ARHGAP32: variants seen among roughly 807,000 people sequenced by gnomAD.
ARHGAP32 encodes rho GTPase-activating protein 32.
In ARHGAP32, 51 loss-of-function variants were observed where a neutral mutation model predicts 186.5. The ratio of observed to expected loss-of-function variants is 0.27; its 90% CI spans 0.22 to 0.35. The LOEUF (loss-of-function observed/expected upper bound fraction) is 0.35, where lower values mean the gene tolerates loss of function less well. ARHGAP32 is among the 10% of genes least tolerant of loss of function. ARHGAP32 has a pLI of 1.00. For missense variants in ARHGAP32, 2,186 were observed against 2,623.5 expected (o/e 0.83, Z 3.64); for synonymous variants, 950 against 964.3 (o/e 0.99, Z 0.27).
intron 11 of ARHGAP32, among the ~76,000 whole-genome samples, chr11:129,039,869 AG>A (rs1204124308): frequency 4.6e-5 from 7 of 152,336 alleles, no homozygotes; most frequent in African/African-American, 1.7e-4. Context: ...TGCTTCAAAA[AG>A]AACTGAGAAT....
Position 129,203,909 on chromosome 11 carries a change from A to T in ARHGAP32, c.-4-39482T>A, listed in dbSNP as rs1387449790. On this transcript the variant is annotated intron_variant, in intron 1 of 6. Coordinates refer to the ARHGAP32 transcript ENST00000525234. ...TGAGACCCCCATCTAAAAAAATTGC[A>T]TATATATATAATTGCATACATAATT... Among the ~76,000 whole-genome samples, 5 of 148,176 alleles carry T rather than the reference A, an allele frequency of 3.4e-5. No homozygotes were observed. In the Admixed American group the frequency reaches 3.4e-4, roughly 10 times the overall value.
chr11:129,273,866 T>C (rs1945500990), intron 1 of ARHGAP32, among the ~76,000 whole-genome samples: 2 of 152,298 alleles, frequency 1.3e-5, no homozygotes, highest in Middle Eastern at 3.4e-3. Flanking sequence ...GCTTATCTTT[T>C]CAAACAGAGA....
At chr11:129,256,419 A>C (rs1188094198) in intron 1 of ARHGAP32, among the ~76,000 whole-genome samples, 3 of 152,160 alleles carry the variant, frequency 2.0e-5, no homozygotes, top group African/African-American at 7.2e-5. Context: ...CTATAACTAC[A>C]TGGACATTCT....
At chr11:129,058,159 T>A (rs1393715693) in intron 10 of ARHGAP32, among the ~76,000 whole-genome samples, 1 of 151,212 alleles carries the variant, frequency 6.6e-6, no homozygotes, top group Non-Finnish European at 1.5e-5. Context: ...GTGGGTCATC[T>A]GTTATGCCCA....
chr11:129,230,826 T>C (rs1260766376), intron 1 of ARHGAP32, among the ~76,000 whole-genome samples: 1 of 152,098 alleles, frequency 6.6e-6, no homozygotes, highest in East Asian at 1.9e-4. Flanking sequence ...TTTAATATAT[T>C]ATCCAATACC....
chr11:129,006,876 G>A (rs949052104), intron 11 of ARHGAP32, among the ~76,000 whole-genome samples: 2 of 152,216 alleles, frequency 1.3e-5, no homozygotes. Flanking sequence ...AGGGACTGCA[G>A]TCAAAAGCTT....
upstream of ARHGAP32, among the ~76,000 whole-genome samples, chr11:129,193,569 A>T (rs7945205): frequency 5.4e-4 from 7 of 12,964 alleles, no homozygotes; most frequent in Middle Eastern, 0.042. Context: ...TATTATATAT[A>T]ATATATATAT....
At chr11:129,041,047 A>G (rs765356822) in intron 10 of ARHGAP32, 38 bp from the exon 11 acceptor site, 1 of 1,415,126 alleles carries the variant, frequency 7.1e-7, no homozygotes, top group South Asian at 1.2e-5. Flanking sequence ...CTAAACCAGC[A>G]AACAGACCAA....
At chr11:129,004,807 T>G (rs1937675450) in intron 11 of ARHGAP32, among the ~76,000 whole-genome samples, 1 of 152,156 alleles carries the variant, frequency 6.6e-6, no homozygotes, top group Non-Finnish European at 1.5e-5. Flanking sequence ...CTGGGTCTTG[T>G]TTTTTCATCC....
intron 2 of ARHGAP32, among the ~76,000 whole-genome samples, chr11:129,156,696 A>G (rs560884041): frequency 1.3e-5 from 2 of 152,308 alleles, no homozygotes. Context: ...GAAGAGAGCA[A>G]TGGATCTCCC....
chr11:128,969,911 A>C lies in ARHGAP32; in HGVS notation c.5302T>G (p.Ser1768Ala). Residue 1768 changes from serine to alanine, a missense_variant, in exon 23 of 23, where the codon TCC becomes GCC. Around this residue, in one of 5 missense-constraint regions of ARHGAP32, gnomAD observed 1,502 missense variants for 1,570.0 expected, o/e 0.96. Coordinates refer to ENST00000682385, the MANE Select transcript of ARHGAP32 (RefSeq NM_001378024.1). The surrounding 1 kb of genome is among the most constrained non-coding windows in gnomAD (Gnocchi z 4.8). The part of the protein sequence containing the change: ...LEDMEKYRMQ[S>A]IRRESRARQK... ...CGAGCACGGCTCTCTCTCCGGATGG[A>C]CTGCATGCGGTATTTTTCCATGTCC... is the stretch of plus-strand genomic sequence containing the variant. 6.2e-7 allele frequency: 1 copy of C among 1,614,036 alleles called. No individual in the cohort carries two copies. Among genetic ancestry groups the C allele is most frequent in the Non-Finnish European group, 8.5e-7 (1 of 1,179,988 alleles).
intron 1 of ARHGAP32, among the ~76,000 whole-genome samples, chr11:129,167,016 G>A (rs1250416855): frequency 6.6e-6 from 1 of 152,052 alleles, no homozygotes; most frequent in Non-Finnish European, 1.5e-5. Context: ...AGTCTCTATA[G>A]TGAACACTAG....
intron 11 of ARHGAP32, among the ~76,000 whole-genome samples, chr11:129,008,902 G>C (rs1005829500): frequency 6.6e-6 from 1 of 152,206 alleles, no homozygotes; most frequent in Middle Eastern, 3.4e-3. Context: ...AAAGTTACAG[G>C]CTGGTGTAAT....
At chr11:129,099,963 C>T (rs1050821820) in intron 5 of ARHGAP32, among the ~76,000 whole-genome samples, 4 of 152,190 alleles carry the variant, frequency 2.6e-5, no homozygotes, top group African/African-American at 9.7e-5. Context: ...TTCCTGGATC[C>T]CAACAGCTCC....
chr11:129,279,587 G>A (rs1462204912), upstream of ARHGAP32, among the ~76,000 whole-genome samples: 2 of 145,800 alleles, frequency 1.4e-5, no homozygotes, highest in Non-Finnish European at 3.0e-5. Context: ...CGCCTCCTCC[G>A]CTCCGCCTCC....
intron 1 of ARHGAP32, among the ~76,000 whole-genome samples, chr11:129,218,167 C>G (rs1323571333): frequency 6.6e-6 from 1 of 152,160 alleles, no homozygotes; most frequent in Non-Finnish European, 1.5e-5. Context: ...CATTTCATGA[C>G]TTTAAATATA....
chr11:129,220,354 C>CTTTTTCTAAGTGAACTTTCAT (rs1454396310), intron 1 of ARHGAP32, among the ~76,000 whole-genome samples: 3 of 152,052 alleles, frequency 2.0e-5, no homozygotes, highest in Non-Finnish European at 2.9e-5. Flanking sequence ...CTAAGTGTGA[C>CTTTTTCTAAGTGAACTTTCAT]TGATACTAAC....
intron 13 of ARHGAP32, 143 bp downstream of exon 13, chr11:128,987,880 G>C (rs1354059646): frequency 4.8e-6 from 3 of 625,884 alleles, no homozygotes; most frequent in Non-Finnish European, 2.7e-6. Context: ...AAAGTATACA[G>C]AGACAATAAC....
At chr11:129,221,142 G>A (rs1944705427) in intron 1 of ARHGAP32, among the ~76,000 whole-genome samples, 1 of 151,986 alleles carries the variant, frequency 6.6e-6, no homozygotes, top group African/African-American at 2.4e-5. Context: ...GATATTTTCA[G>A]ACACATAATT....
Sources: gnomAD v4.1 joint callset for allele counts (sites outside exome capture counted in the v4.1 genomes callset) on GRCh38, gnomAD v4.1.1 for gene constraint, gnomAD v4.1.1 regional missense constraint, Gnocchi (gnomAD v3.1) non-coding constraint, MANE v1.5 for transcripts, NCBI Gene and HGNC (gene_info 2026-07-23, HGNC 2026-07-21) for gene names.